Variants in NXPE2 observed in about 807,000 individuals in gnomAD.
NXPE2 encodes the protein NXPE family member 2.
NXPE2 carries 34 observed loss-of-function variants against 34.4 expected under a neutral mutation model. That is an observed-to-expected ratio of 0.99 (90% CI 0.75 to 1.31). The LOEUF (loss-of-function observed/expected upper bound fraction) is 1.31, where lower values mean the gene tolerates loss of function less well. Ranked by LOEUF, NXPE2 falls within the 40% of genes most tolerant of loss-of-function variation. The pLI, the probability that NXPE2 is intolerant of heterozygous loss-of-function variation, is 0.00. For missense variants in NXPE2, 649 were observed against 672.5 expected, an observed-to-expected ratio of 0.97 and a Z score of 0.39; for synonymous variants, 235 against 231.3, an observed-to-expected ratio of 1.02 and a Z score of -0.15.
chr11:114,775,205 C>T, the NXPE2 span, among the ~76,000 whole-genome samples: 3 of 152,184 alleles, frequency 2.0e-5, no homozygotes, highest in African/African-American at 7.2e-5. Context: ...CCTCCAGGTC[C>T]GCCTTCAGGC....
chr11:114,793,711 A>AT, the NXPE2 span, among the ~76,000 whole-genome samples: 1 of 152,202 alleles, frequency 6.6e-6, no homozygotes, highest in Non-Finnish European at 1.5e-5. Context: ...GAAAGGCCAG[A>AT]TGGTGATGAG....
chr11:114,773,279 AC>A, the NXPE2 span, among the ~76,000 whole-genome samples: 2,283 of 69,470 alleles, frequency 0.033, 79 homozygotes, highest in African/African-American at 0.12. Context: ...ACCCACTCCC[AC>A]CCCCCCCCCA....
the NXPE2 span, among the ~76,000 whole-genome samples, chr11:114,466,544 T>C: frequency 6.9e-6 from 1 of 144,700 alleles, no homozygotes; most frequent in Non-Finnish European, 1.5e-5. Flanking sequence ...TTAGTAAACT[T>C]TAATTTCTTG....
At chr11:114,774,484 C>T in the NXPE2 span, among the ~76,000 whole-genome samples, 5 of 152,344 alleles carry the variant, frequency 3.3e-5, no homozygotes, top group East Asian at 7.7e-4. Flanking sequence ...CTGCATACAG[C>T]GTATTTGGTT....
the NXPE2 span, among the ~76,000 whole-genome samples, chr11:114,811,693 G>T: frequency 6.6e-6 from 1 of 152,186 alleles, no homozygotes; most frequent in African/African-American, 2.4e-5. Context: ...AGGGACACAA[G>T]AGTATCAGCA....
the NXPE2 span, among the ~76,000 whole-genome samples, chr11:114,793,975 C>A: frequency 1.3e-5 from 2 of 152,182 alleles, no homozygotes; most frequent in African/African-American, 2.4e-5. Context: ...CTTTACCTGG[C>A]AAGTGCTATA....
At chr11:114,613,264 C>T in the NXPE2 span, among the ~76,000 whole-genome samples, 2 of 151,922 alleles carry the variant, frequency 1.3e-5, no homozygotes, top group Non-Finnish European at 1.5e-5. Flanking sequence ...ATAAGCATTG[C>T]CTCACAGGTA....
At chr11:114,635,125 C>T in the NXPE2 span, among the ~76,000 whole-genome samples, 12 of 151,044 alleles carry the variant, frequency 7.9e-5, no homozygotes, top group East Asian at 1.7e-3. Flanking sequence ...TTGTTTGTAT[C>T]CTCTTTTATT....
At chr11:114,534,266 A>G in the NXPE2 span, among the ~76,000 whole-genome samples, 1 of 152,222 alleles carries the variant, frequency 6.6e-6, no homozygotes, top group Non-Finnish European at 1.5e-5. Flanking sequence ...AAGGACATCC[A>G]CACCCAAAAC....
At chr11:114,799,312 A>AT in the NXPE2 span, among the ~76,000 whole-genome samples, 5 of 141,362 alleles carry the variant, frequency 3.5e-5, no homozygotes, top group African/African-American at 1.3e-4. Context: ...AAAAAAAAAA[A>AT]AAATTGGTGG....
At chr11:114,482,204 C>T in the NXPE2 span, among the ~76,000 whole-genome samples, 18 of 152,240 alleles carry the variant, frequency 1.2e-4, no homozygotes, top group East Asian at 3.3e-3. Context: ...TAGTTCACAG[C>T]TTATTGTAAA....
intron 4 of NXPE2, among the ~76,000 whole-genome samples, chr11:114,705,468 C>A (rs1591446401): frequency 6.6e-6 from 1 of 152,220 alleles, no homozygotes; most frequent in South Asian, 2.1e-4. Flanking sequence ...CACGGCCACA[C>A]ATTTCCTCCT....
At chr11:114,490,371 CA>C in the NXPE2 span, among the ~76,000 whole-genome samples, 1 of 152,090 alleles carries the variant, frequency 6.6e-6, no homozygotes, top group East Asian at 1.9e-4. Flanking sequence ...CATATGGAAC[CA>C]AAAAAGAGCT....
the NXPE2 span, among the ~76,000 whole-genome samples, chr11:114,585,781 A>G: frequency 1.3e-5 from 2 of 152,184 alleles, no homozygotes; most frequent in African/African-American, 4.8e-5. Flanking sequence ...AACAAAGAGC[A>G]GCCTGAAAAA....
chr11:114,525,811 A>C, the NXPE2 span, among the ~76,000 whole-genome samples: 1 of 152,208 alleles, frequency 6.6e-6, no homozygotes, highest in South Asian at 2.1e-4. Context: ...TTTCAGGTAC[A>C]TGTATAAGAG....
the NXPE2 span, among the ~76,000 whole-genome samples, chr11:114,741,143 G>A: frequency 6.6e-6 from 1 of 152,092 alleles, no homozygotes; most frequent in Non-Finnish European, 1.5e-5. Context: ...CTTTAAATAT[G>A]TCATCCTACT....
chr11:114,523,034 C>T, the NXPE2 span: 2 of 1,613,628 alleles, frequency 1.2e-6, no homozygotes, highest in Non-Finnish European at 1.7e-6. Context: ...TAAAGTATAA[C>T]CACCAGGGAC....
the NXPE2 span, among the ~76,000 whole-genome samples, chr11:114,510,542 T>G: frequency 6.6e-6 from 1 of 152,126 alleles, no homozygotes; most frequent in Non-Finnish European, 1.5e-5. Context: ...TCTTAGAAAG[T>G]TTTTAGAAGA....
chr11:114,638,335 C>G, the NXPE2 span, among the ~76,000 whole-genome samples: 9 of 151,974 alleles, frequency 5.9e-5, no homozygotes, highest in Non-Finnish European at 7.4e-5. Context: ...AAGCACTTCT[C>G]TGTATTGGTT....
Sources: gnomAD v4.1 joint callset for allele counts (sites outside exome capture counted in the v4.1 genomes callset) on GRCh38, gnomAD v4.1.1 for gene constraint, MANE v1.5 for transcripts, NCBI Gene and HGNC (gene_info 2026-07-23, HGNC 2026-07-21) for gene names.